MYO1E: variants seen among roughly 807,000 people sequenced by gnomAD.
MYO1E encodes the protein myosin IE, also known as unconventional myosin-Ie.
MYO1E carries 68 observed loss-of-function variants against 151.1 expected under a neutral mutation model. The ratio of observed to expected loss-of-function variants is 0.45; its 90% CI spans 0.37 to 0.55. The LOEUF (loss-of-function observed/expected upper bound fraction) is 0.55. Ranked by LOEUF, MYO1E falls within the 20% of genes least tolerant of loss-of-function variation. The probability of loss-of-function intolerance (pLI) is 0.00; values close to 1 mark genes in which losing one functional copy is unlikely to be tolerated. For synonymous variants in MYO1E, 601 were observed against 501.7 expected (o/e 1.20, Z -2.64); for missense variants, 1,363 against 1,389.3 (o/e 0.98, Z 0.30).
chr15:59,372,375 G>C, intron 1 of MYO1E, 123 bp downstream of exon 1: 2 of 1,223,926 alleles, frequency 1.6e-6, no homozygotes, highest in Non-Finnish European at 2.3e-6. Flanking sequence ...GCGACGTGCC[G>C]GCTCCCGCGT....
At chr15:59,178,587 G>A in intron 18 of MYO1E, 50 bp from the exon 19 acceptor site, 4 of 1,600,364 alleles carry the variant, frequency 2.5e-6, no homozygotes, top group Non-Finnish European at 3.4e-6. Context: ...GGACCGCACT[G>A]GTTTTCTACC....
chr15:59,316,337 G>A (rs1255857994), intron 1 of MYO1E, among the ~76,000 whole-genome samples: 3 of 152,064 alleles, frequency 2.0e-5, no homozygotes, highest in Non-Finnish European at 2.9e-5. Context: ...TTTTCCCTTG[G>A]CTTTGAAAAG....
chr15:59,183,731 T>G (rs2079678890), intron 18 of MYO1E, among the ~76,000 whole-genome samples: 1 of 152,194 alleles, frequency 6.6e-6, no homozygotes, highest in Non-Finnish European at 1.5e-5. Flanking sequence ...TTAAATTATA[T>G]TTGACTATAG....
chr15:59,240,641 T>G (rs1371372864), intron 4 of MYO1E, among the ~76,000 whole-genome samples: 1 of 152,206 alleles, frequency 6.6e-6, no homozygotes, highest in Non-Finnish European at 1.5e-5. Context: ...ATAAGTAGGA[T>G]CCGCTGTTAC....
intron 24 of MYO1E, among the ~76,000 whole-genome samples, chr15:59,160,399 T>G (rs1490304041): frequency 6.7e-6 from 1 of 149,588 alleles, no homozygotes; most frequent in African/African-American, 2.5e-5. Context: ...TTATTTCTTT[T>G]TCATCTTCTT....
At chr15:59,296,800 A>G (rs780532482) in intron 1 of MYO1E, among the ~76,000 whole-genome samples, 1 of 151,036 alleles carries the variant, frequency 6.6e-6, no homozygotes, top group Non-Finnish European at 1.5e-5. Flanking sequence ...ATTCAATACA[A>G]CAGTTACACA....
In MYO1E at chr15:59,208,771, C is replaced by T. The variant is rs117265950; in HGVS notation, c.1440G>A (p.Thr480=). The part of the protein sequence containing the change: ...MHAVGEGADQ[T]LLQKLQMQIG... ...TCTGCATCTGAAGTTTCTGGAGCAG[C>T]GTCTGATCTGCCCCCTCACCCACCG... is the stretch of plus-strand genomic sequence containing the variant. The change falls in exon 14 of 28, where the codon ACG becomes ACA. Residue 480 remains threonine, a synonymous_variant. Transcript: ENST00000288235. 0.013 allele frequency: 21,389 copies of T among 1,614,180 alleles called. 211 individuals carry two copies. The highest frequency in any genetic ancestry group is 0.029 in the South Asian group (2,599 of 91,078).
intron 4 of MYO1E, among the ~76,000 whole-genome samples, chr15:59,250,409 A>G (rs983351045): frequency 7.2e-5 from 11 of 152,114 alleles, no homozygotes; most frequent in African/African-American, 2.7e-4. Flanking sequence ...TACTGTGAGT[A>G]TTGTCACACC....
At chr15:59,197,516 A>C (rs1260193708) in intron 16 of MYO1E, among the ~76,000 whole-genome samples, 1 of 152,204 alleles carries the variant, frequency 6.6e-6, no homozygotes, top group African/African-American at 2.4e-5. Context: ...TACGCCTCAC[A>C]ACAACCTGAA....
rs549058355 is a variant in MYO1E at position 59,324,973 on chromosome 15, G to A, written c.3+47525C>T. Among the ~76,000 whole-genome samples the A allele has an allele frequency of 7.7e-5, 11 of 143,510 alleles. No individual in the cohort carries two copies. In the East Asian group the frequency reaches 2.2e-3, roughly 29 times the overall value. The allele number at this position is 143,510 out of a possible 152,430, so 94.1% of individuals were successfully genotyped here. The stretch of plus-strand genomic sequence containing the variant: ...AGAAAAAAAAAAAAAAAAGCCTTTT[G>A]ACTGAAGAACTATCTTCCCTTCAGT... On this transcript the variant is annotated intron_variant, in intron 1 of 27. Transcript: ENST00000288235.
chr15:59,321,990 A>G (rs1482610015), intron 1 of MYO1E, among the ~76,000 whole-genome samples: 1 of 152,164 alleles, frequency 6.6e-6, no homozygotes, highest in Non-Finnish European at 1.5e-5. Flanking sequence ...CCTGGCCAAC[A>G]TGGCAAAACC....
chr15:59,274,429 C>T (rs1406751884), intron 1 of MYO1E, among the ~76,000 whole-genome samples: 1 of 152,150 alleles, frequency 6.6e-6, no homozygotes, highest in African/African-American at 2.4e-5. Flanking sequence ...CCCAGTGATT[C>T]CTCCTCTCCT....
chr15:59,159,573 G>A lies in MYO1E; in HGVS notation c.2786-1194C>T, dbSNP rs1433799074. Among the ~76,000 whole-genome samples, 1 of 152,154 alleles carries A rather than the reference G, an allele frequency of 6.6e-6. No homozygotes were observed. The highest frequency in any genetic ancestry group is 2.4e-5 in the African/African-American group (1 of 41,434). Reference sequence around the variant, plus strand: ...CTCCCTCTGCTGCTTCAGGTTTGCGGATAATAATGATTTCCTGCCACTCCC... The same window carrying A: ...CTCCCTCTGCTGCTTCAGGTTTGCGAATAATAATGATTTCCTGCCACTCCC... On this transcript the variant is annotated intron_variant, in intron 24 of 27. Transcript: ENST00000288235. The surrounding 1 kb of genome is among the most constrained non-coding windows in gnomAD (Gnocchi z 4.4).
intron 1 of MYO1E, among the ~76,000 whole-genome samples, chr15:59,306,096 A>C (rs148839618): frequency 6.6e-6 from 1 of 152,340 alleles, no homozygotes; most frequent in Non-Finnish European, 1.5e-5. Context: ...TTTCTATTTA[A>C]ATGCGATAAA....
intron 18 of MYO1E, among the ~76,000 whole-genome samples, chr15:59,186,234 C>T (rs1459350680): frequency 3.9e-5 from 6 of 152,080 alleles, no homozygotes; most frequent in Non-Finnish European, 8.8e-5. Context: ...GTTTCTGACG[C>T]TTTATTATAC....
chr15:59,292,212 C>T (rs2080423797), intron 1 of MYO1E, among the ~76,000 whole-genome samples: 1 of 152,174 alleles, frequency 6.6e-6, no homozygotes, highest in Non-Finnish European at 1.5e-5. Flanking sequence ...AGAAAAAAAT[C>T]TATGATAGTT....
At chr15:59,154,163 C>T (rs957813624) in intron 25 of MYO1E, among the ~76,000 whole-genome samples, 21 of 152,196 alleles carry the variant, frequency 1.4e-4, no homozygotes, top group African/African-American at 4.6e-4. Context: ...GGTAAGCTTA[C>T]AGCCGGCTGG....
intron 8 of MYO1E, 36 bp downstream of exon 8, chr15:59,224,653 A>G (rs1596373893): frequency 6.2e-7 from 1 of 1,613,796 alleles, no homozygotes; most frequent in African/African-American, 1.3e-5. Context: ...GCCAGTTGGG[A>G]GAGCAGATCC....
intron 18 of MYO1E, among the ~76,000 whole-genome samples, chr15:59,182,377 T>C (rs780646306): frequency 2.0e-5 from 3 of 152,168 alleles, no homozygotes; most frequent in African/African-American, 4.8e-5. Flanking sequence ...CATGCCTGGC[T>C]AATTTTTGTA....
Sources: gnomAD v4.1 joint callset for allele counts (sites outside exome capture counted in the v4.1 genomes callset) on GRCh38, gnomAD v4.1.1 for gene constraint, Gnocchi (gnomAD v3.1) non-coding constraint, MANE v1.5 for transcripts, NCBI Gene and HGNC (gene_info 2026-07-23, HGNC 2026-07-21) for gene names.